Variants in PHKA2 observed in about 807,000 individuals in gnomAD.
PHKA2 encodes phosphorylase kinase regulatory subunit alpha 2.
A neutral mutation model predicts 102.0 loss-of-function variants in PHKA2; 31 were observed. The ratio of observed to expected loss-of-function variants is 0.30; its 90% CI spans 0.23 to 0.41. The LOEUF is 0.41. Ranked by LOEUF, PHKA2 falls within the 10% of genes least tolerant of loss-of-function variation. PHKA2 has a pLI of 1.00. For synonymous variants in PHKA2, 455 were observed against 416.2 expected (o/e 1.09, Z -1.13); for missense variants, 858 against 1,023.1 (o/e 0.84, Z 2.20).
rs775573044 is a variant in PHKA2, at chrX:18,957,698, C to T, written c.79-3286G>A. ...AATTCCACACACTCCATATAACAGC[C>T]TCATATATACATTTTTTCCTATGTG... is the stretch of plus-strand genomic sequence containing the variant. On this transcript the variant is annotated intron_variant, in intron 1 of 32. Coordinates refer to ENST00000379942, the MANE Select transcript of PHKA2 (RefSeq NM_000292.3). Among the ~76,000 whole-genome samples the T allele has an allele frequency of 2.9e-5, 3 of 104,982 alleles. No homozygotes were observed. The East Asian group carries it at 8.8e-4, about 31-fold the overall frequency. 91.2% of individuals were successfully genotyped at this position (104,982 alleles called of 115,157 possible).
In PHKA2 at chrX:18,945,174, G is replaced by C; in HGVS notation, c.538-16C>G. 9.2e-7 allele frequency: 1 copy of C among 1,087,391 alleles called. No homozygotes were observed. Among genetic ancestry groups the C allele is most frequent in the Non-Finnish European group, 1.3e-6 (1 of 781,979 alleles). 89.6% of individuals were successfully genotyped at this position (1,087,391 alleles called of 1,213,427 possible). A position where few individuals can be genotyped will look rare whatever the true frequency, so the allele number is the denominator to read the frequency against. On this transcript the variant is annotated splice_polypyrimidine_tract_variant and intron_variant, in intron 5 of 32. Transcript: ENST00000379942. ...TTCCATAATCCTGGGGGAGAAAAAG[G>C]TGGGAATCAGAGGGGAGAAAGAGGT... is the stretch of plus-strand genomic sequence containing the variant.
In PHKA2 at chrX:18,907,825, G is replaced by A. The variant is rs111609818; in HGVS notation, c.2517+75C>T. ...TCCTTCACAAGTAAGAGGTATAACT[G>A]GGAGATTGGAAGTGGAAGAGGAAGG... On this transcript the variant is annotated intron_variant, in intron 22 of 32. Transcript: ENST00000379942. 7,661 of 1,055,112 alleles carry A rather than the reference G, an allele frequency of 7.3e-3. 352 individuals carry two copies. In the African/African-American group the frequency reaches 0.13, roughly 17 times the overall value. The allele number at this position is 1,055,112 out of a possible 1,213,427, so 87.0% of individuals were successfully genotyped here.
intron 11 of PHKA2, among the ~76,000 whole-genome samples, chrX:18,934,023 C>T (rs1465019876): frequency 1.8e-5 from 2 of 111,893 alleles, no homozygotes; most frequent in African/African-American, 6.5e-5. Flanking sequence ...AAGTAAAATA[C>T]CCCTGAAGGC....
intron 19 of PHKA2, among the ~76,000 whole-genome samples, chrX:18,911,302 T>C (rs1037458099): frequency 3.6e-5 from 4 of 110,322 alleles, no homozygotes; most frequent in African/African-American, 1.3e-4. Context: ...GCCTCCCAAA[T>C]AGCTGGGATT....
intron 1 of PHKA2, among the ~76,000 whole-genome samples, chrX:18,965,646 T>A (rs987966436): frequency 6.3e-5 from 7 of 110,257 alleles, no homozygotes; most frequent in Admixed American, 1.9e-4. Context: ...TCCTGAAATT[T>A]TTGTGCGAGC....
In PHKA2 at chrX:18,910,897, TCAA is replaced by T. The variant is rs1362484591; in HGVS notation, c.2198_2200del (p.Val733del). ...CTTTTCTAGGAGTGGCTGAGGAGAA[TCAA>T]CAAGATTCAGTGATTTACGGTGGGC... On this transcript the variant is annotated inframe_deletion, in exon 20 of 33. Transcript: ENST00000379942. The T allele has an allele frequency of 8.4e-7, 1 of 1,189,814 alleles. No homozygotes were observed. Among genetic ancestry groups the T allele is most frequent in the Non-Finnish European group, 1.1e-6 (1 of 877,902 alleles).
At chrX:18,952,185 CA>C (rs1282109594) in intron 3 of PHKA2, among the ~76,000 whole-genome samples, 379 of 21,517 alleles carry the variant, frequency 0.018, no homozygotes, top group Non-Finnish European at 0.022. Context: ...ATTGTATCTA[CA>C]AAAAAAAAAA....
chrX:18,899,648 T>C (rs1218073889), intron 28 of PHKA2, among the ~76,000 whole-genome samples: 1 of 111,739 alleles, frequency 8.9e-6, no homozygotes, highest in African/African-American at 3.3e-5. Flanking sequence ...GCACCTAACA[T>C]TCAGTAGATA....
chrX:18,916,142 C>T (rs891546057), intron 19 of PHKA2, among the ~76,000 whole-genome samples: 10 of 112,103 alleles, frequency 8.9e-5, no homozygotes, highest in Non-Finnish European at 1.3e-4. Context: ...GAGCCGGGCA[C>T]GGTGGCTCAC....
chrX:18,958,092 T>C (rs2048811079), intron 1 of PHKA2, among the ~76,000 whole-genome samples: 1 of 111,234 alleles, frequency 9.0e-6, no homozygotes, highest in African/African-American at 3.3e-5. Flanking sequence ...ACTCCTGACC[T>C]CAGGTGATCT....
intron 19 of PHKA2, among the ~76,000 whole-genome samples, chrX:18,913,957 C>A (rs746555052): frequency 5.4e-5 from 6 of 112,102 alleles, no homozygotes; most frequent in Non-Finnish European, 1.1e-4. Context: ...AAGAACTGGT[C>A]TGCGGCTGTT....
chrX:18,931,215 T>C (rs927697858), intron 12 of PHKA2, among the ~76,000 whole-genome samples: 2 of 112,209 alleles, frequency 1.8e-5, no homozygotes, highest in African/African-American at 6.5e-5. Flanking sequence ...CCGCCACCTC[T>C]TTCTGTAGAG....
chrX:18,970,942 C>T (rs190608570), intron 1 of PHKA2, among the ~76,000 whole-genome samples: 51 of 112,419 alleles, frequency 4.5e-4, no homozygotes, highest in African/African-American at 1.6e-3. Context: ...CCCATAAAGC[C>T]TTCCCATGAA....
At position 18,893,360 on chromosome X, in the gene PHKA2, C is replaced by T. The variant is rs895978008; in HGVS notation, c.*125G>A. 2.9e-5 allele frequency: 20 copies of T among 689,240 alleles called. No individual in the cohort carries two copies. The highest frequency in any genetic ancestry group is 4.4e-5 in the Non-Finnish European group (19 of 431,435). The allele number at this position is 689,240 out of a possible 1,213,427, so 56.8% of individuals were successfully genotyped here. ...CAGGGTGAGTGCTACCATTGCCCCC[C>T]GAGAGTGTTTCTGATGGGACATGCT... is the stretch of plus-strand genomic sequence containing the variant. On this transcript the variant is annotated 3_prime_UTR_variant, in exon 33 of 33. Coordinates refer to ENST00000379942, the MANE Select transcript of PHKA2 (RefSeq NM_000292.3).
chrX:18,935,546 C>G (rs554351936), intron 11 of PHKA2, among the ~76,000 whole-genome samples: 1 of 110,699 alleles, frequency 9.0e-6, no homozygotes, highest in Non-Finnish European at 1.9e-5. Flanking sequence ...CATGGTCAAG[C>G]GTGTTCCACA....
intron 1 of PHKA2, among the ~76,000 whole-genome samples, chrX:18,964,762 G>A (rs1375841236): frequency 8.9e-6 from 1 of 112,435 alleles, no homozygotes; most frequent in East Asian, 2.8e-4. Context: ...GATTGTATAA[G>A]TAACAGTTTC....
chrX:18,939,047 CATTAT>C (rs1189279453), intron 9 of PHKA2, among the ~76,000 whole-genome samples: 2 of 112,534 alleles, frequency 1.8e-5, no homozygotes, highest in Non-Finnish European at 3.8e-5. Context: ...TGATTTATAT[CATTAT>C]ATTAGTCAGT....
At chrX:18,895,056 G>T in intron 31 of PHKA2, 82 bp downstream of exon 31, 1 of 918,820 alleles carries the variant, frequency 1.1e-6, no homozygotes, top group Non-Finnish European at 1.6e-6. Flanking sequence ...CCCAAAAGGA[G>T]CACAAGAGGT....
chrX:18,899,785 C>A (rs911343712), intron 28 of PHKA2, among the ~76,000 whole-genome samples: 1 of 111,981 alleles, frequency 8.9e-6, no homozygotes. Context: ...GGTATTCTTA[C>A]AAAAGAGACT....
Sources: allele counts gnomAD v4.1 joint callset (sites outside exome capture counted in the v4.1 genomes callset), GRCh38; gene constraint gnomAD v4.1.1; transcripts MANE v1.5; gene names NCBI Gene and HGNC (gene_info 2026-07-23, HGNC 2026-07-21).